The following TGFBRAP1 variants were observed in gnomAD, a reference collection of about 807,000 sequenced individuals.
TGFBRAP1 encodes transforming growth factor beta receptor associated protein 1.
In TGFBRAP1, 20 loss-of-function variants were observed where a neutral mutation model predicts 83.2. The observed-to-expected ratio is 0.24, with a 90% CI of 0.17 to 0.35. The LOEUF is 0.35. Among genes scored for constraint, TGFBRAP1 ranks in the 10% least tolerant of loss-of-function variants. The pLI is 1.00. For synonymous variants in TGFBRAP1, 415 were observed against 459.8 expected (o/e 0.90, Z 1.25); for missense variants, 950 against 1,099.4 (o/e 0.86, Z 1.92).
chr2:105,320,328 G>C (rs1679017844), intron 1 of TGFBRAP1, among the ~76,000 whole-genome samples: 1 of 151,984 alleles, frequency 6.6e-6, no homozygotes, highest in Admixed American at 6.6e-5. Flanking sequence ...AATTAATTCT[G>C]TATCTGCATT....
rs11389565 is a variant in TGFBRAP1 at position 105,311,145 on chromosome 2, TAAAAAAA to T, written c.-17-2834_-17-2828del. Among the ~76,000 whole-genome samples the T allele has an allele frequency of 9.6e-5, 12 of 125,504 alleles. No individual in the cohort carries two copies. In the South Asian group the frequency reaches 1.5e-3, roughly 16 times the overall value. 82.3% of individuals were successfully genotyped at this position (125,504 alleles called of 152,430 possible). A position where few individuals can be genotyped will look rare whatever the true frequency, so the allele number is the denominator to read the frequency against. Reference sequence around the variant, plus strand: ...AGAAGGGGAGAGGGAGAGAGAGCTGTAAAAAAAAAAAAAAAACAAAAAACAAAAAAAC... The same window carrying T: ...AGAAGGGGAGAGGGAGAGAGAGCTGTAAAAAAAAACAAAAAACAAAAAAAC... On this transcript the variant is annotated intron_variant, in intron 1 of 11. Transcript: ENST00000393359.
chr2:105,292,714 AG>A (rs1465507874), intron 4 of TGFBRAP1, among the ~76,000 whole-genome samples: 1 of 152,020 alleles, frequency 6.6e-6, no homozygotes, highest in Non-Finnish European at 1.5e-5. Flanking sequence ...AGACAGTAAA[AG>A]GGGGGAGGCA....
Position 105,307,824 on chromosome 2 carries a change from T to C in TGFBRAP1, c.478A>G (p.Ile160Val), listed in dbSNP as rs1361118263. ...TCGGCAGTCGACACCTCCTTGACGA[T>C]CTGCACCCGGTCCTCGTACACCAGA... is the stretch of plus-strand genomic sequence containing the variant. The part of the protein sequence containing the change: ...MFLVYEDRVQ[I>V]VKEVSTAEQP... Residue 160 changes from isoleucine to valine, a missense_variant, in exon 2 of 12, where the codon ATC (isoleucine) becomes GTC (valine). Coordinates refer to ENST00000393359, the MANE Select transcript of TGFBRAP1 (RefSeq NM_004257.6). 1.9e-6 allele frequency: 3 copies of C among 1,614,122 alleles called. No homozygotes were observed. The highest frequency in any genetic ancestry group is 3.3e-5 in the Admixed American group (2 of 60,008).
At chr2:105,270,797 C>T (rs1489373529) in intron 10 of TGFBRAP1, among the ~76,000 whole-genome samples, 2 of 152,218 alleles carry the variant, frequency 1.3e-5, no homozygotes, top group Non-Finnish European at 2.9e-5. Context: ...AGTTAAGACC[C>T]TGGGTGAGGT....
chr2:105,315,743 C>T (rs529738679), intron 1 of TGFBRAP1, among the ~76,000 whole-genome samples: 72 of 152,292 alleles, frequency 4.7e-4, no homozygotes, highest in African/African-American at 1.7e-3. Context: ...AAATCTCATA[C>T]GTTGCTGGAA....
chr2:105,301,781 G>A (rs1678303585), intron 2 of TGFBRAP1, among the ~76,000 whole-genome samples: 1 of 152,106 alleles, frequency 6.6e-6, no homozygotes, highest in Non-Finnish European at 1.5e-5. Context: ...AGGCTGGAGT[G>A]TAGTGCCTAG....
At chr2:105,308,942 T>C (rs1287284943) in intron 1 of TGFBRAP1, among the ~76,000 whole-genome samples, 2 of 152,112 alleles carry the variant, frequency 1.3e-5, no homozygotes. Context: ...TTCTTCCCAA[T>C]AAGGCAGGCG....
chr2:105,329,172 C>G (rs895657313), intron 1 of TGFBRAP1, among the ~76,000 whole-genome samples: 2 of 152,084 alleles, frequency 1.3e-5, no homozygotes, highest in African/African-American at 4.8e-5. Context: ...TCAATCACAG[C>G]GCCAAAACCA....
chr2:105,253,436 T>C, the TGFBRAP1 span, among the ~76,000 whole-genome samples: 92 of 152,184 alleles, frequency 6.0e-4, 1 homozygote, highest in African/African-American at 2.2e-3. Context: ...CCTGGCCTTG[T>C]TTGTTTTTTT....
In TGFBRAP1 at chr2:105,265,724, A is replaced by G. The variant is rs1353507998; in HGVS notation, c.*1659T>C. ...CACAGCATACAGTTGTGCTACAAGG[A>G]GAATTTCTTCATCATTTATTCTTTA... On this transcript the variant is annotated 3_prime_UTR_variant, in exon 12 of 12. Coordinates refer to ENST00000393359, the MANE Select transcript of TGFBRAP1 (RefSeq NM_004257.6). The G allele has an allele frequency of 6.6e-6, 1 of 152,602 alleles. No individual in the cohort carries two copies. Among genetic ancestry groups the G allele is most frequent in the African/African-American group, 2.4e-5 (1 of 41,452 alleles). 9.5% of individuals were successfully genotyped at this position (152,602 alleles called of 1,614,324 possible).
Position 105,275,680 on chromosome 2 carries a change from G to A in TGFBRAP1, c.1545C>T (p.Gly515=), listed in dbSNP as rs1457729752. 5.0e-6 allele frequency: 8 copies of A among 1,609,066 alleles called. No individual in the cohort carries two copies. Among genetic ancestry groups the A allele is most frequent in the Middle Eastern group, 1.6e-4 (1 of 6,078 alleles). The change falls in exon 8 of 12, where the codon GGC becomes GGT. Residue 515 remains glycine (G), a synonymous_variant. Transcript: ENST00000393359. ...CTGAGCGTGTGGAGTCCTGGACATC[G>A]CCATTCACAATGTTCACCCACAACT... ...AVQLWVNIVN[G]DVQDSTRSDL...
chr2:105,254,350 G>A, the TGFBRAP1 span, among the ~76,000 whole-genome samples: 5 of 152,112 alleles, frequency 3.3e-5, no homozygotes, highest in Admixed American at 3.3e-4. Flanking sequence ...GCTCCTTTGG[G>A]CCACAGGTTG....
chr2:105,278,564 C>T (rs1196013687), intron 6 of TGFBRAP1, among the ~76,000 whole-genome samples: 3 of 152,106 alleles, frequency 2.0e-5, no homozygotes, highest in Non-Finnish European at 4.4e-5. Flanking sequence ...GGTTAACTTG[C>T]CCAGCCTCTA....
At chr2:105,281,484 G>A (rs1008624501) in intron 5 of TGFBRAP1, among the ~76,000 whole-genome samples, 1 of 152,140 alleles carries the variant, frequency 6.6e-6, no homozygotes, top group Non-Finnish European at 1.5e-5. Context: ...TGCTGCCTGC[G>A]ATGTTCAGAG....
At chr2:105,321,230 G>A (rs543596492) in intron 1 of TGFBRAP1, among the ~76,000 whole-genome samples, 2 of 151,878 alleles carry the variant, frequency 1.3e-5, no homozygotes, top group East Asian at 1.9e-4. Context: ...GCAGTGGCAC[G>A]GTCTCGGCTC....
At chr2:105,312,878 G>A (rs1196444336) in intron 1 of TGFBRAP1, among the ~76,000 whole-genome samples, 1 of 152,122 alleles carries the variant, frequency 6.6e-6, no homozygotes, top group African/African-American at 2.4e-5. Context: ...TTGGGAGGCC[G>A]AGGCAGGTGG....
intron 6 of TGFBRAP1, among the ~76,000 whole-genome samples, chr2:105,279,454 T>C (rs181387119): frequency 6.6e-6 from 1 of 151,826 alleles, no homozygotes; most frequent in Admixed American, 6.6e-5. Context: ...AAAGACAAGA[T>C]CTTACTGTGT....
chr2:105,251,219 C>G, the TGFBRAP1 span, among the ~76,000 whole-genome samples: 1 of 149,220 alleles, frequency 6.7e-6, no homozygotes, highest in Non-Finnish European at 1.5e-5. Context: ...CCCCTCCGCC[C>G]GGCCGCCACC....
intron 8 of TGFBRAP1, 65 bp downstream of exon 8, chr2:105,275,495 G>C: frequency 6.3e-7 from 1 of 1,579,736 alleles, no homozygotes; most frequent in Non-Finnish European, 8.6e-7. Context: ...TAAAAGCAAA[G>C]CTTTTGGGGT....
Sources: gnomAD v4.1 joint callset for allele counts (sites outside exome capture counted in the v4.1 genomes callset) on GRCh38, gnomAD v4.1.1 for gene constraint, MANE v1.5 for transcripts, NCBI Gene and HGNC (gene_info 2026-07-23, HGNC 2026-07-21) for gene names.